The following GPC6 variants were observed in gnomAD, a reference collection of about 807,000 sequenced individuals.
GPC6 encodes the protein glypican-6.
A neutral mutation model predicts 55.2 loss-of-function variants in GPC6; 14 were observed. That is an observed-to-expected ratio of 0.25 (90% confidence interval 0.17 to 0.40). The LOEUF (loss-of-function observed/expected upper bound fraction) is 0.40. Ranked by LOEUF, GPC6 falls within the 10% of genes least tolerant of loss-of-function variation. GPC6 has a pLI of 1.00. For missense variants in GPC6, 641 were observed against 708.5 expected (o/e 0.90, Z 1.08); for synonymous variants, 278 against 259.6 (o/e 1.07, Z -0.68).
intron 6 of GPC6, among the ~76,000 whole-genome samples, chr13:94,374,346 C>G: frequency 6.6e-6 from 1 of 151,010 alleles, no homozygotes; most frequent in Non-Finnish European, 1.5e-5. Context: ...CCCACATAGG[C>G]TCAAAATAAA....
At chr13:93,614,271 A>T (rs78789858) in intron 2 of GPC6, among the ~76,000 whole-genome samples, 61 of 152,356 alleles carry the variant, frequency 4.0e-4, no homozygotes, top group African/African-American at 1.4e-3. Flanking sequence ...AAAATGTAGT[A>T]TTATACCATC....
chr13:93,804,104 CTG>C lies in GPC6; in HGVS notation c.320-26048_320-26047del, dbSNP rs1039390442. Among the ~76,000 whole-genome samples the C allele has an allele frequency of 3.8e-3, 575 of 152,080 alleles. 7 individuals carry two copies. Among genetic ancestry groups the C allele is most frequent in the African/African-American group, 0.011 (476 of 41,484 alleles). The stretch of plus-strand genomic sequence containing the variant: ...GTATATGAATTATATCTTAATAAAA[CTG>C]TTTTTAAAAAGGCATAGCATAAATT... On this transcript the variant is annotated intron_variant, in intron 2 of 8. Transcript: ENST00000377047.
At chr13:93,831,505 C>T (rs537239518) in intron 3 of GPC6, among the ~76,000 whole-genome samples, 39 of 151,890 alleles carry the variant, frequency 2.6e-4, no homozygotes, top group African/African-American at 9.2e-4. Flanking sequence ...GAGGGCTGTG[C>T]CAAAGAGCCA....
chr13:93,640,419 G>C (rs1194532940), intron 2 of GPC6, among the ~76,000 whole-genome samples: 2 of 151,882 alleles, frequency 1.3e-5, no homozygotes, highest in Non-Finnish European at 2.9e-5. Flanking sequence ...AAAAAATATC[G>C]GCTTGGAAAG....
intron 1 of GPC6, among the ~76,000 whole-genome samples, chr13:93,542,632 G>C (rs962427113): frequency 1.2e-4 from 18 of 152,224 alleles, no homozygotes; most frequent in Non-Finnish European, 1.9e-4. Flanking sequence ...CCATTTTCGT[G>C]ATATTGATTC....
intron 6 of GPC6, among the ~76,000 whole-genome samples, chr13:94,356,499 A>T (rs1878802476): frequency 6.6e-6 from 1 of 152,232 alleles, no homozygotes; most frequent in Non-Finnish European, 1.5e-5. Context: ...CCTGGTACCT[A>T]GGAGAGTACC....
At chr13:93,659,247 T>C (rs910684499) in intron 2 of GPC6, among the ~76,000 whole-genome samples, 2 of 151,952 alleles carry the variant, frequency 1.3e-5, no homozygotes, top group Non-Finnish European at 2.9e-5. Flanking sequence ...ATTAGTTCCC[T>C]AAGGGTATGT....
chr13:93,734,149 G>C (rs1312171855), intron 2 of GPC6, among the ~76,000 whole-genome samples: 2 of 152,074 alleles, frequency 1.3e-5, no homozygotes, highest in African/African-American at 4.8e-5. Context: ...AAAAACAAAA[G>C]TGTTTTGAAG....
In GPC6 at chr13:93,930,275, G is replaced by GTTTTTTTTTTTTT. The variant is rs35858695; in HGVS notation, c.712-97453_712-97441dup. On this transcript the variant is annotated intron_variant, in intron 3 of 8. Transcript: ENST00000377047. ...TTTTAAAGGTTATTGGAAACGAAAG[G>GTTTTTTTTTTTTT]TTTTTTTTTTTTTGTAGACAGAGTC... Among the ~76,000 whole-genome samples, 61 of 123,844 alleles carry GTTTTTTTTTTTTT rather than the reference G, an allele frequency of 4.9e-4. 6 individuals are homozygous for GTTTTTTTTTTTTT. The highest frequency in any genetic ancestry group is 8.0e-4 in the African/African-American group (25 of 31,300). 81.2% of individuals were successfully genotyped at this position (123,844 alleles called of 152,430 possible). A position where few individuals can be genotyped will look rare whatever the true frequency, so the allele number is the denominator to read the frequency against.
intron 1 of GPC6, among the ~76,000 whole-genome samples, chr13:93,368,171 A>G (rs947506377): frequency 1.3e-5 from 2 of 151,872 alleles, no homozygotes; most frequent in East Asian, 1.9e-4. Context: ...TCATTATGCA[A>G]TGTTCTTCTC....
Position 93,892,752 on chromosome 13 carries a change from A to G in GPC6, c.711+62207A>G, listed in dbSNP as rs187201905. 3.5e-3 allele frequency among the ~76,000 whole-genome samples: 526 copies of G among 152,272 alleles called. 3 individuals are homozygous for G. The highest frequency in any genetic ancestry group is 8.9e-3 in the South Asian group (43 of 4,826). On this transcript the variant is annotated intron_variant, in intron 3 of 8. Transcript: ENST00000377047. ...TGCTTTCTTCACTCAACAACATATC[A>G]TTAACCTCTTTCCATTTCTATAAAT...
chr13:94,341,989 T>G (rs1031408734), intron 6 of GPC6, among the ~76,000 whole-genome samples: 5 of 152,218 alleles, frequency 3.3e-5, no homozygotes, highest in African/African-American at 4.8e-5. Flanking sequence ...CATAAAACAG[T>G]GTTTCTCAAA....
chr13:93,513,876 C>CTT (rs56333946), intron 1 of GPC6, among the ~76,000 whole-genome samples: 13,473 of 110,184 alleles, frequency 0.12, 1,408 homozygotes, highest in East Asian at 0.44. Flanking sequence ...TGAATGATGG[C>CTT]TTTTTTTTTT....
intron 1 of GPC6, among the ~76,000 whole-genome samples, chr13:93,489,615 C>CTTCCATTTGT (rs1221599800): frequency 6.6e-6 from 1 of 151,510 alleles, no homozygotes; most frequent in Non-Finnish European, 1.5e-5. Flanking sequence ...ATGGAATGTT[C>CTTCCATTTGT]TTCCATTTGT....
intron 4 of GPC6, among the ~76,000 whole-genome samples, chr13:94,283,370 T>C (rs1892441987): frequency 6.6e-6 from 1 of 152,250 alleles, no homozygotes; most frequent in South Asian, 2.1e-4. Flanking sequence ...ACATGACTTA[T>C]ACATTAACTC....
At chr13:93,607,043 A>T (rs1405347495) in intron 2 of GPC6, among the ~76,000 whole-genome samples, 1 of 152,118 alleles carries the variant, frequency 6.6e-6, no homozygotes, top group Admixed American at 6.5e-5. Context: ...TTTCAGGAGG[A>T]CTTTCCACAC....
chr13:93,517,129 G>A (rs1291270051), intron 1 of GPC6, among the ~76,000 whole-genome samples: 1 of 152,062 alleles, frequency 6.6e-6, no homozygotes, highest in Admixed American at 6.6e-5. Context: ...ACGTTAAAGA[G>A]AAATATGAGG....
intron 6 of GPC6, among the ~76,000 whole-genome samples, chr13:94,330,001 G>A (rs528607938): frequency 6.6e-6 from 1 of 152,264 alleles, no homozygotes; most frequent in East Asian, 1.9e-4. Context: ...TGCCTTCTGA[G>A]AGGCTCCTAC....
At chr13:94,156,670 G>T (rs748952015) in intron 4 of GPC6, among the ~76,000 whole-genome samples, 4 of 152,182 alleles carry the variant, frequency 2.6e-5, no homozygotes, top group African/African-American at 9.6e-5. Flanking sequence ...TCAGTACAGG[G>T]CTCAGTGTCA....
Sources: allele counts gnomAD v4.1 joint callset (sites outside exome capture counted in the v4.1 genomes callset), GRCh38; gene constraint gnomAD v4.1.1; transcripts MANE v1.5; gene names NCBI Gene and HGNC (gene_info 2026-07-23, HGNC 2026-07-21).